FRMD4B: variants seen among roughly 807,000 people sequenced by gnomAD.
FRMD4B encodes FERM domain-containing protein 4B.
Under a neutral mutation model 141.5 loss-of-function variants are expected in FRMD4B, and 74 were observed. That is an observed-to-expected ratio of 0.52 (90% confidence interval 0.43 to 0.63). FRMD4B has a LOEUF of 0.63. Ranked by LOEUF, FRMD4B falls within the 30% of genes least tolerant of loss-of-function variation. The pLI is 0.00. For missense variants in FRMD4B, 1,366 were observed against 1,253.4 expected (o/e 1.09, Z -1.36); for synonymous variants, 506 against 467.9 (o/e 1.08, Z -1.05).
chr3:69,329,957 C>T (rs1046688487), intron 1 of FRMD4B, among the ~76,000 whole-genome samples: 31 of 152,112 alleles, frequency 2.0e-4, no homozygotes, highest in African/African-American at 7.5e-4. Context: ...TATTATACTT[C>T]AAGAAATCCA....
At chr3:69,540,464 A>G (rs925150304) in intron 1 of FRMD4B, among the ~76,000 whole-genome samples, 3 of 150,088 alleles carry the variant, frequency 2.0e-5, no homozygotes. Context: ...AATACAAAAA[A>G]TTAGCCAGGC....
intron 5 of FRMD4B, among the ~76,000 whole-genome samples, chr3:69,278,056 A>G (rs3943214): frequency 0.073 from 11,096 of 151,114 alleles, 516 homozygotes; most frequent in Non-Finnish European, 0.1. Context: ...GAGTTTCACC[A>G]TATTGGCCAG....
chr3:69,496,518 A>G (rs1283039314), intron 1 of FRMD4B, among the ~76,000 whole-genome samples: 2 of 152,072 alleles, frequency 1.3e-5, no homozygotes, highest in Admixed American at 6.6e-5. Context: ...GTTTAGACGT[A>G]CAAGACTATA....
intron 1 of FRMD4B, among the ~76,000 whole-genome samples, chr3:69,455,460 A>C (rs977714736): frequency 2.0e-5 from 3 of 152,196 alleles, no homozygotes; most frequent in African/African-American, 7.2e-5. Context: ...ACAACTCCAG[A>C]CATGCCACCT....
chr3:69,362,710 C>CAAAA (rs1553730363), intron 1 of FRMD4B, among the ~76,000 whole-genome samples: 1 of 148,106 alleles, frequency 6.8e-6, no homozygotes, highest in African/African-American at 2.5e-5. Context: ...ACCCCCCCCC[C>CAAAA]AAAAAAACAA....
chr3:69,171,751 C>G lies in FRMD4B; in HGVS notation c.*110G>C. On this transcript the variant is annotated 3_prime_UTR_variant, in exon 23 of 23. Transcript: ENST00000398540. ...AGGGCAACTAAGTCTTCTCTTCAAC[C>G]TTTGATGTCTTTAGGTTTCTAAAAC... The G allele has an allele frequency of 9.5e-7, 1 of 1,052,364 alleles. No homozygotes were observed. 65.2% of individuals were successfully genotyped at this position (1,052,364 alleles called of 1,614,324 possible). A position where few individuals can be genotyped will look rare whatever the true frequency, so the allele number is the denominator to read the frequency against.
chr3:69,430,481 T>C (rs981793071), intron 2 of FRMD4B, among the ~76,000 whole-genome samples: 1 of 152,212 alleles, frequency 6.6e-6, no homozygotes, highest in African/African-American at 2.4e-5. Flanking sequence ...AAAGATGTTG[T>C]CTGTCTATTT....
intron 11 of FRMD4B, among the ~76,000 whole-genome samples, chr3:69,199,509 G>C (rs1310488497): frequency 6.6e-6 from 1 of 152,210 alleles, no homozygotes; most frequent in Non-Finnish European, 1.5e-5. Flanking sequence ...CAAAGTGAAA[G>C]TAAAACGGAA....
chr3:69,186,454 G>T (rs2092768738), intron 19 of FRMD4B, among the ~76,000 whole-genome samples: 3 of 152,080 alleles, frequency 2.0e-5, no homozygotes, highest in Non-Finnish European at 4.4e-5. Context: ...GCTCATGCCT[G>T]TAATCCCAGC....
At chr3:69,401,444 C>A (rs528023056) in intron 2 of FRMD4B, among the ~76,000 whole-genome samples, 3 of 152,232 alleles carry the variant, frequency 2.0e-5, no homozygotes, top group Admixed American at 6.5e-5. Flanking sequence ...GGTTTTCTTT[C>A]TAAAAATTCA....
intron 6 of FRMD4B, 35 bp from the exon 7 acceptor site, chr3:69,249,283 AT>A (rs1393231867): frequency 6.9e-6 from 10 of 1,457,336 alleles, no homozygotes; most frequent in Admixed American, 1.8e-5. Context: ...GTTGATCAAT[AT>A]GTATCTTTGT....
chr3:69,515,994 C>T (rs527987068), intron 1 of FRMD4B, among the ~76,000 whole-genome samples: 6 of 152,028 alleles, frequency 3.9e-5, no homozygotes, highest in East Asian at 3.9e-4. Context: ...GTGAGGGTGA[C>T]GCAGGAGGAA....
intron 1 of FRMD4B, among the ~76,000 whole-genome samples, chr3:69,351,420 A>G (rs1703146408): frequency 6.6e-6 from 1 of 152,182 alleles, no homozygotes; most frequent in South Asian, 2.1e-4. Context: ...TTTTGAAACA[A>G]AGAGAAAGTG....
At chr3:69,244,152 A>T (rs1029276234) in intron 7 of FRMD4B, among the ~76,000 whole-genome samples, 5 of 152,190 alleles carry the variant, frequency 3.3e-5, no homozygotes, top group Non-Finnish European at 7.3e-5. Context: ...ATGAGGGCTG[A>T]GAAAGTTGCG....
intron 7 of FRMD4B, chr3:69,228,486 A>G (rs954066968): frequency 1.1e-5 from 5 of 456,218 alleles, no homozygotes; most frequent in Non-Finnish European, 1.8e-5. Flanking sequence ...TGTTTCATAT[A>G]AGATACAGAT....
intron 1 of FRMD4B, among the ~76,000 whole-genome samples, chr3:69,378,986 C>A (rs1450275142): frequency 6.6e-6 from 1 of 152,132 alleles, no homozygotes; most frequent in Non-Finnish European, 1.5e-5. Flanking sequence ...AGACTCCCTC[C>A]ACTGATCATC....
chr3:69,454,638 C>T (rs1464870498), intron 1 of FRMD4B, among the ~76,000 whole-genome samples: 1 of 152,210 alleles, frequency 6.6e-6, no homozygotes. Context: ...GCCCACGCCA[C>T]ACTCTAATTC....
At chr3:69,193,361 A>C in intron 17 of FRMD4B, among the ~76,000 whole-genome samples, 1 of 152,244 alleles carries the variant, frequency 6.6e-6, no homozygotes, top group Admixed American at 6.5e-5. Flanking sequence ...ATACAAAATT[A>C]GCTAGGTGTG....
intron 1 of FRMD4B, among the ~76,000 whole-genome samples, chr3:69,447,505 A>G (rs888649577): frequency 6.6e-6 from 1 of 152,232 alleles, no homozygotes; most frequent in African/African-American, 2.4e-5. Context: ...ATTTTGACAA[A>G]TATATACACT....
Sources: gnomAD v4.1 joint callset for allele counts (sites outside exome capture counted in the v4.1 genomes callset) on GRCh38, gnomAD v4.1.1 for gene constraint, MANE v1.5 for transcripts, NCBI Gene and HGNC (gene_info 2026-07-23, HGNC 2026-07-21) for gene names.